Variants in KDM5A observed in about 807,000 individuals in gnomAD.
KDM5A encodes lysine-specific demethylase 5A.
KDM5A carries 42 observed loss-of-function variants against 193.5 expected under a neutral mutation model. That is an observed-to-expected ratio of 0.22 (90% CI 0.17 to 0.28). The LOEUF (loss-of-function observed/expected upper bound fraction) is 0.28, where lower values mean the gene tolerates loss of function less well. KDM5A is among the 10% of genes least tolerant of loss of function. The probability of loss-of-function intolerance (pLI) is 1.00; values close to 1 mark genes in which losing one functional copy is unlikely to be tolerated. For synonymous variants in KDM5A, 796 were observed against 718.1 expected, an observed-to-expected ratio of 1.11 and a Z score of -1.73; for missense variants, 1,692 against 2,055.1, an observed-to-expected ratio of 0.82 and a Z score of 3.42.
At chr12:314,262 CT>C (rs1233919817) in intron 19 of KDM5A, among the ~76,000 whole-genome samples, 1 of 152,184 alleles carries the variant, frequency 6.6e-6, no homozygotes. Flanking sequence ...GTGGCGCAAT[CT>C]CAGCTCACTG....
chr12:327,739 G>A (rs965267635), intron 14 of KDM5A, among the ~76,000 whole-genome samples: 6 of 151,402 alleles, frequency 4.0e-5, no homozygotes, highest in Non-Finnish European at 8.8e-5. Context: ...CAGGCCAGGT[G>A]TGGTGGCTCA....
intron 26 of KDM5A, 123 bp from the exon 27 acceptor site, chr12:293,292 C>T: frequency 1.2e-6 from 1 of 802,086 alleles, no homozygotes; most frequent in Non-Finnish European, 1.9e-6. Context: ...CAGAGGTTAC[C>T]AGAGGCTGAA....
rs376516471 is a variant in KDM5A, at chr12:375,214, A to C, written c.366+8817T>G. Among the ~76,000 whole-genome samples the C allele has an allele frequency of 1.5e-4, 23 of 152,194 alleles. 1 individual carries two copies. The highest frequency in any genetic ancestry group is 3.3e-4 in the Admixed American group (5 of 15,278). On this transcript the variant is annotated intron_variant, in intron 3 of 27. Transcript: ENST00000399788. The stretch of plus-strand genomic sequence containing the variant: ...TCTCCCCATCACTTTCAGGTACACC[A>C]ATCAGACACAGACTTGGTCTTTTCA...
rs1261028115 is a variant in KDM5A, at chr12:307,532, C to T, written c.3852G>A (p.Val1284=). Residue 1284 remains valine, a synonymous_variant, in exon 23 of 28, where the codon GTG becomes GTA. Coordinates refer to ENST00000399788, the MANE Select transcript of KDM5A (RefSeq NM_001042603.3). The surrounding 1 kb of genome is among the most constrained non-coding windows in gnomAD (Gnocchi z 4.3). ...AKLSVLSQRM[V]EQAAREKTEK... The stretch of plus-strand genomic sequence containing the variant: ...CAGTTTTTTCTCGAGCCGCCTGTTC[C>T]ACCATACGCTGGCTCAACACAGATA... 21 of 1,613,886 alleles carry T rather than the reference C, an allele frequency of 1.3e-5. No individual in the cohort carries two copies. The highest frequency in any genetic ancestry group is 1.8e-5 in the Non-Finnish European group (21 of 1,180,034).
At chr12:381,399 A>G (rs1944571269) in intron 3 of KDM5A, among the ~76,000 whole-genome samples, 1 of 152,210 alleles carries the variant, frequency 6.6e-6, no homozygotes, top group Non-Finnish European at 1.5e-5. Flanking sequence ...GGCATGAGCC[A>G]CAGTGCCGAG....
At chr12:309,751 T>A in intron 22 of KDM5A, 52 bp downstream of exon 22, 1 of 1,585,234 alleles carries the variant, frequency 6.3e-7, no homozygotes, top group Non-Finnish European at 8.7e-7. Flanking sequence ...CTAATATCTC[T>A]ACAGAGTTTT....
intron 24 of KDM5A, among the ~76,000 whole-genome samples, chr12:299,173 A>G (rs1391375329): frequency 1.3e-5 from 2 of 152,138 alleles, no homozygotes; most frequent in African/African-American, 4.8e-5. Flanking sequence ...GCAGGCCAAC[A>G]TTCAAATTCA....
At chr12:355,763 G>C (rs983226985) in intron 6 of KDM5A, among the ~76,000 whole-genome samples, 1 of 152,180 alleles carries the variant, frequency 6.6e-6, no homozygotes, top group African/African-American at 2.4e-5. Flanking sequence ...TATCTGAATT[G>C]TATGACTTTA....
intron 3 of KDM5A, among the ~76,000 whole-genome samples, chr12:367,073 A>T (rs1031689880): frequency 2.6e-5 from 4 of 152,210 alleles, no homozygotes; most frequent in African/African-American, 9.6e-5. Flanking sequence ...GGTTTGTATA[A>T]GTACATTCTA....
chr12:293,378 G>A (rs1184507916), intron 26 of KDM5A, among the ~76,000 whole-genome samples: 1 of 152,196 alleles, frequency 6.6e-6, no homozygotes, highest in Non-Finnish European at 1.5e-5. Flanking sequence ...GAAATGAATA[G>A]TGGTGACAGT....
intron 3 of KDM5A, among the ~76,000 whole-genome samples, chr12:378,386 T>C (rs952968169): frequency 3.9e-5 from 6 of 152,094 alleles, no homozygotes; most frequent in Non-Finnish European, 7.3e-5. Context: ...GCTTCTCAAG[T>C]GGCTGTGACT....
At position 366,020 on chromosome 12, in the gene KDM5A, C is replaced by G; in HGVS notation, c.451G>C (p.Gly151Arg). The change falls in exon 4 of 28, where the codon GGA becomes CGA. Residue 151 changes from glycine (G) to arginine (R), a missense_variant. By Grantham distance (125) the Gly-to-Arg change is moderately radical (BLOSUM62 -2). This residue lies in a region of KDM5A where 120 missense variants were observed against 172.0 expected (regional missense o/e 0.70). Coordinates refer to ENST00000399788, the MANE Select transcript of KDM5A (RefSeq NM_001042603.3). ...TTCAAAAGAGACCCAGTTCCTTTTC[C>G]TGGCAGATATCCCAAGCGACTACCC... ...KVGSRLGYLPGKGTGSLLKSH... is the reference protein window; with the variant it reads ...KVGSRLGYLPRKGTGSLLKSH... 1 of 1,613,864 alleles carries G rather than the reference C, an allele frequency of 6.2e-7. No homozygotes were observed. Among genetic ancestry groups the G allele is most frequent in the Non-Finnish European group, 8.5e-7 (1 of 1,179,736 alleles).
At chr12:362,799 G>A (rs573046623) in intron 5 of KDM5A, among the ~76,000 whole-genome samples, 164 bp downstream of exon 5, 1 of 152,230 alleles carries the variant, frequency 6.6e-6, no homozygotes, top group African/African-American at 2.4e-5. Context: ...AAACTCCCAC[G>A]AGAAATGGCC....
chr12:296,984 G>A, intron 25 of KDM5A, 57 bp downstream of exon 25: 1 of 1,547,070 alleles, frequency 6.5e-7, no homozygotes, highest in African/African-American at 1.4e-5. Flanking sequence ...TTAACATAAT[G>A]CTTTTTCTCA....
intron 5 of KDM5A, among the ~76,000 whole-genome samples, chr12:357,876 T>C (rs960397721): frequency 2.4e-5 from 3 of 125,314 alleles, no homozygotes; most frequent in Non-Finnish European, 5.0e-5. Context: ...CCAATTCCCT[T>C]CCTTCCTGCT....
At chr12:373,033 G>T (rs1335798170) in intron 3 of KDM5A, among the ~76,000 whole-genome samples, 1 of 152,164 alleles carries the variant, frequency 6.6e-6, no homozygotes, top group South Asian at 2.1e-4. Context: ...TGTTCATCAG[G>T]GATATTGGTC....
intron 22 of KDM5A, among the ~76,000 whole-genome samples, chr12:309,402 T>C (rs952369168): frequency 6.6e-6 from 1 of 152,238 alleles, no homozygotes; most frequent in Non-Finnish European, 1.5e-5. Flanking sequence ...ACCAGAAATA[T>C]GCTGCAGGAA....
chr12:334,846 GACA>G (rs1270375855), intron 10 of KDM5A, among the ~76,000 whole-genome samples: 1 of 152,126 alleles, frequency 6.6e-6, no homozygotes, highest in Non-Finnish European at 1.5e-5. Flanking sequence ...TTGAACTTGT[GACA>G]ACAATGAAGA....
At position 350,640 on chromosome 12, in the gene KDM5A, T is replaced by C; in HGVS notation, c.1289A>G (p.Lys430Arg). The change falls in exon 10 of 28, where the codon AAG becomes AGG. Residue 430 changes from lysine (K) to arginine (R), a missense_variant. By Grantham distance (26) the Lys-to-Arg change is conservative. This residue lies in a region of KDM5A where 172 missense variants were observed against 260.3 expected (regional missense o/e 0.66). Coordinates refer to ENST00000399788, the MANE Select transcript of KDM5A (RefSeq NM_001042603.3). ...SGFPVKDGRRKILPEEEEYAL... is the reference protein window; with the variant it reads ...SGFPVKDGRRRILPEEEEYAL... ...CTGCACCTCTTCTTCTGGCAGAATC[T>C]TTCTCCGCCCATCCTTCACCGGAAA... 1 of 1,614,096 alleles carries C rather than the reference T, an allele frequency of 6.2e-7. No individual in the cohort carries two copies. Among genetic ancestry groups the C allele is most frequent in the Non-Finnish European group, 8.5e-7 (1 of 1,179,984 alleles).
Sources: gnomAD v4.1 joint callset for allele counts (sites outside exome capture counted in the v4.1 genomes callset) on GRCh38, gnomAD v4.1.1 for gene constraint, gnomAD v4.1.1 regional missense constraint, Gnocchi (gnomAD v3.1) non-coding constraint, MANE v1.5 for transcripts, NCBI Gene and HGNC (gene_info 2026-07-23, HGNC 2026-07-21) for gene names.